SLC44A1: variants seen among roughly 807,000 people sequenced by gnomAD.
SLC44A1 encodes solute carrier family 44 member 1.
A neutral mutation model predicts 79.3 loss-of-function variants in SLC44A1; 26 were observed. That is an observed-to-expected ratio of 0.33 (90% CI 0.24 to 0.46). The LOEUF (loss-of-function observed/expected upper bound fraction) is 0.46. Among genes scored for constraint, SLC44A1 ranks in the 20% least tolerant of loss-of-function variants. The pLI, the probability that SLC44A1 is intolerant of heterozygous loss-of-function variation, is 1.00. For missense variants in SLC44A1, 688 were observed against 798.1 expected (o/e 0.86, Z 1.66); for synonymous variants, 263 against 286.2 (o/e 0.92, Z 0.82).
intron 15 of SLC44A1, among the ~76,000 whole-genome samples, chr9:105,406,837 C>A (rs754240241): frequency 6.6e-6 from 1 of 151,926 alleles, no homozygotes; most frequent in Non-Finnish European, 1.5e-5. Flanking sequence ...CTTAAATATG[C>A]TCAAAGACAC....
At position 105,389,109 on chromosome 9, in the gene SLC44A1, ATAAC is replaced by A. The variant is rs1270554550; in HGVS notation, c.*56_*59del. On this transcript the variant is annotated 3_prime_UTR_variant, in exon 16 of 16. Transcript: ENST00000374720. ...TGACATTCCAAAACAATATATACAC[ATAAC>A]TATGTATTTGTGTGTGTGGGTGTGT... The A allele has an allele frequency of 2.5e-6, 4 of 1,606,680 alleles. No homozygotes were observed. The Admixed American group carries it at 6.7e-5, about 27-fold the overall frequency.
At chr9:105,285,226 T>C (rs1830446944) in intron 1 of SLC44A1, among the ~76,000 whole-genome samples, 1 of 152,228 alleles carries the variant, frequency 6.6e-6, no homozygotes, top group Non-Finnish European at 1.5e-5. Flanking sequence ...GTTTTTGAAA[T>C]ACAATCAAGT....
In SLC44A1 at chr9:105,348,413, A is replaced by G; in HGVS notation, c.462A>G (p.Lys154=). The stretch of plus-strand genomic sequence containing the variant: ...CTTCTGAATACACTACATCTCCAAA[A>G]TCTTCTGTTCTCTGCCCCAAACTAC... ...LKPSEYTTSP[K]SSVLCPKLPV... is the part of the protein sequence containing the mutation. The change falls in exon 5 of 16, where the codon AAA becomes AAG. Residue 154 remains lysine, a synonymous_variant. Coordinates refer to ENST00000374720, the MANE Select transcript of SLC44A1 (RefSeq NM_080546.5). 1 of 1,612,254 alleles carries G rather than the reference A, an allele frequency of 6.2e-7. No individual in the cohort carries two copies. Among genetic ancestry groups the G allele is most frequent in the Non-Finnish European group, 8.5e-7 (1 of 1,178,510 alleles).
At chr9:105,371,701 A>T in intron 12 of SLC44A1, among the ~76,000 whole-genome samples, 1 of 140,750 alleles carries the variant, frequency 7.1e-6, no homozygotes, top group African/African-American at 2.7e-5. Flanking sequence ...CCTGGGCGAC[A>T]GAGTGAGACT....
rs1828827917 is a variant in SLC44A1, at chr9:105,394,318, T to C, written c.*5262T>C. 1 of 985,288 alleles carries C rather than the reference T, an allele frequency of 1.0e-6. No homozygotes were observed. The highest frequency in any genetic ancestry group is 1.2e-6 in the Non-Finnish European group (1 of 829,884). 61.0% of individuals were successfully genotyped at this position (985,288 alleles called of 1,614,324 possible). A position where few individuals can be genotyped will look rare whatever the true frequency, so the allele number is the denominator to read the frequency against. ...GACTTTATGTAATTTAGTAGCAGGTTAGGGAATAGAAACCACACTAATCTG... is the reference window on the plus strand; with the variant it reads ...GACTTTATGTAATTTAGTAGCAGGTCAGGGAATAGAAACCACACTAATCTG... On this transcript the variant is annotated 3_prime_UTR_variant, in exon 16 of 16. Coordinates refer to ENST00000374720, the MANE Select transcript of SLC44A1 (RefSeq NM_080546.5).
At chr9:105,309,619 C>CTT in intron 2 of SLC44A1, 105 bp from the exon 3 acceptor site, 1 of 992,862 alleles carries the variant, frequency 1.0e-6, no homozygotes, top group African/African-American at 1.6e-5. Context: ...AAAGATAGCT[C>CTT]TTTGTTCCCT....
intron 1 of SLC44A1, among the ~76,000 whole-genome samples, chr9:105,277,289 G>A (rs1830228903): frequency 6.6e-6 from 1 of 152,228 alleles, no homozygotes; most frequent in Admixed American, 6.5e-5. Context: ...TGGAACGTGA[G>A]TGTGGTCAGC....
intron 15 of SLC44A1, 100 bp from the exon 16 acceptor site, chr9:105,388,933 T>C (rs1828695551): frequency 1.2e-6 from 1 of 869,436 alleles, no homozygotes; most frequent in South Asian, 1.4e-5. Context: ...CATTTTGCTG[T>C]CTTGCTGTTT....
In SLC44A1 at chr9:105,302,106, T is replaced by C. The variant is rs140351219; in HGVS notation, c.126+2797T>C. On this transcript the variant is annotated intron_variant, in intron 2 of 15. Transcript: ENST00000374720. The stretch of plus-strand genomic sequence containing the variant: ...CAAGGTTTTTCTAATGCTTGAGTTG[T>C]CTAGAACTTAGAGTGTTTTTCAAAG... Among the ~76,000 whole-genome samples, 15 of 152,354 alleles carry C rather than the reference T, an allele frequency of 9.8e-5. No individual in the cohort carries two copies. The East Asian group carries it at 2.3e-3, about 23-fold the overall frequency.
At chr9:105,383,889 T>C (rs1828550925) in intron 14 of SLC44A1, among the ~76,000 whole-genome samples, 1 of 152,206 alleles carries the variant, frequency 6.6e-6, no homozygotes, top group South Asian at 2.1e-4. Context: ...TTAGTCAAGA[T>C]CTGAACCTTT....
chr9:105,370,751 C>T (rs1309451326), intron 12 of SLC44A1, among the ~76,000 whole-genome samples: 3 of 152,118 alleles, frequency 2.0e-5, no homozygotes, highest in Non-Finnish European at 4.4e-5. Flanking sequence ...TTCTTGCTTC[C>T]GTCTCAAGGA....
chr9:105,302,330 A>G (rs1319714080), intron 2 of SLC44A1, among the ~76,000 whole-genome samples: 1 of 151,988 alleles, frequency 6.6e-6, no homozygotes, highest in East Asian at 1.9e-4. Context: ...TGTACATTGG[A>G]ATTAGCTGGG....
At chr9:105,382,133 T>G (rs1828485668) in intron 13 of SLC44A1, among the ~76,000 whole-genome samples, 1 of 152,108 alleles carries the variant, frequency 6.6e-6, no homozygotes, top group African/African-American at 2.4e-5. Context: ...TTGAGTAGGA[T>G]CTGTTCTTTT....
chr9:105,415,496 G>C (rs570995481), intron 15 of SLC44A1, among the ~76,000 whole-genome samples: 1 of 152,214 alleles, frequency 6.6e-6, no homozygotes, highest in Non-Finnish European at 1.5e-5. Flanking sequence ...CGGAACCTTA[G>C]AGGGAGGCAG....
intron 10 of SLC44A1, among the ~76,000 whole-genome samples, 175 bp downstream of exon 10, chr9:105,364,895 T>G (rs532425035): frequency 1.4e-3 from 212 of 152,314 alleles, no homozygotes; most frequent in African/African-American, 4.9e-3. Flanking sequence ...GGTGGTCAAA[T>G]GAGAGATTGT....
intron 3 of SLC44A1, among the ~76,000 whole-genome samples, chr9:105,329,057 G>A (rs369325247): frequency 2.0e-5 from 3 of 152,152 alleles, no homozygotes; most frequent in Non-Finnish European, 2.9e-5. Context: ...CCTCCTCTGG[G>A]CAGAATTCCG....
intron 15 of SLC44A1, among the ~76,000 whole-genome samples, chr9:105,417,169 C>T (rs907500872): frequency 2.6e-5 from 4 of 152,190 alleles, no homozygotes; most frequent in Non-Finnish European, 4.4e-5. Flanking sequence ...AAAATCCCAT[C>T]GGTGTCCTTA....
chr9:105,335,140 A>G (rs1826871920), intron 3 of SLC44A1, among the ~76,000 whole-genome samples: 1 of 152,082 alleles, frequency 6.6e-6, no homozygotes, highest in Admixed American at 6.5e-5. Flanking sequence ...ATTATATATA[A>G]TGAATGAATT....
chr9:105,327,278 G>T (rs1476378222), intron 3 of SLC44A1, among the ~76,000 whole-genome samples: 1 of 151,960 alleles, frequency 6.6e-6, no homozygotes, highest in Non-Finnish European at 1.5e-5. Flanking sequence ...ATGAACTCCA[G>T]ACTTTCTAAC....
Sources: allele counts gnomAD v4.1 joint callset (sites outside exome capture counted in the v4.1 genomes callset), GRCh38; gene constraint gnomAD v4.1.1; transcripts MANE v1.5; gene names NCBI Gene and HGNC (gene_info 2026-07-23, HGNC 2026-07-21).